PEX13: variants seen among roughly 807,000 people sequenced by gnomAD.
PEX13 encodes the protein peroxisome biogenesis factor 13.
In PEX13, 28 loss-of-function variants were observed where a neutral mutation model predicts 34.5. That is an observed-to-expected ratio of 0.81 (90% CI 0.60 to 1.11). The LOEUF (loss-of-function observed/expected upper bound fraction) is 1.11. PEX13 is among the 50% of genes most tolerant of loss of function. The probability of loss-of-function intolerance (pLI) is 0.00; values close to 1 mark genes in which losing one functional copy is unlikely to be tolerated. For synonymous variants in PEX13, 177 were observed against 175.1 expected, an observed-to-expected ratio of 1.01 and a Z score of -0.09; for missense variants, 550 against 491.0, an observed-to-expected ratio of 1.12 and a Z score of -1.13.
Position 61,032,087 on chromosome 2 carries a change from T to TTTA in PEX13, c.761_762insTTA (p.Leu254delinsPheTer), listed in dbSNP as rs1680461810. 1 of 1,613,428 alleles carries TTTA rather than the reference T, an allele frequency of 6.2e-7. No individual in the cohort carries two copies. Among genetic ancestry groups the TTTA allele is most frequent in the South Asian group, 1.1e-5 (1 of 91,040 alleles). ...GGTCCTTACCTCATTTGGAAACTAT[T>TTTA]GTCTACTCACAGTGATGAAGTAACA... On this transcript the variant is annotated stop_gained and protein_altering_variant, in exon 2 of 4. Transcript: ENST00000295030. LOFTEE classifies it high-confidence loss of function.
intron 2 of PEX13, among the ~76,000 whole-genome samples, chr2:61,036,676 A>G (rs1354319784): frequency 2.0e-5 from 3 of 152,358 alleles, no homozygotes; most frequent in Non-Finnish European, 4.4e-5. Context: ...AAAACATGCC[A>G]AATTGTAAAG....
At chr2:61,018,166 G>A in intron 1 of PEX13, 1 of 1,550,736 alleles carries the variant, frequency 6.4e-7, no homozygotes, top group Non-Finnish European at 8.7e-7. Context: ...TGACAGAATG[G>A]CTTCTCTATC....
At chr2:61,036,203 A>G (rs1288542170) in intron 2 of PEX13, among the ~76,000 whole-genome samples, 1 of 152,052 alleles carries the variant, frequency 6.6e-6, no homozygotes, top group Admixed American at 6.6e-5. Flanking sequence ...GTTAGAAAAC[A>G]CTCCTCAGGA....
At chr2:61,018,130 C>T in intron 1 of PEX13, 2 of 1,549,150 alleles carry the variant, frequency 1.3e-6, no homozygotes, top group Non-Finnish European at 1.7e-6. Flanking sequence ...GGGGCGGCTT[C>T]CTACCTACCG....
At chr2:61,018,213 C>T in intron 1 of PEX13, 3 of 1,550,936 alleles carry the variant, frequency 1.9e-6, no homozygotes, top group East Asian at 2.4e-5. Context: ...CAGTTGAGAG[C>T]GGCATTTGTC....
At chr2:61,032,150 AT>A in intron 2 of PEX13, 37 bp downstream of exon 2, 1 of 1,327,664 alleles carries the variant, frequency 7.5e-7, no homozygotes, top group Non-Finnish European at 1.1e-6. Context: ...CAGATACCAT[AT>A]AACAATCTCA....
chr2:61,051,301 A>G lies in PEX13; in HGVS notation c.*2531A>G, dbSNP rs1680795117. The G allele has an allele frequency of 6.6e-6, 1 of 152,326 alleles. No homozygotes were observed. Among genetic ancestry groups the G allele is most frequent in the Non-Finnish European group, 1.5e-5 (1 of 68,022 alleles). 9.4% of individuals were successfully genotyped at this position (152,326 alleles called of 1,614,324 possible). A position where few individuals can be genotyped will look rare whatever the true frequency, so the allele number is the denominator to read the frequency against. ...GTTCTCAAAACAAATGTTTGATAAAACAGATTATTAAATTTGGGGTTGAGA... is the reference window on the plus strand; with the variant it reads ...GTTCTCAAAACAAATGTTTGATAAAGCAGATTATTAAATTTGGGGTTGAGA... On this transcript the variant is annotated 3_prime_UTR_variant, in exon 4 of 4. Coordinates refer to ENST00000295030, the MANE Select transcript of PEX13 (RefSeq NM_002618.4).
At chr2:61,021,423 C>A (rs1469804231) in intron 1 of PEX13, among the ~76,000 whole-genome samples, 1 of 152,186 alleles carries the variant, frequency 6.6e-6, no homozygotes, top group Admixed American at 6.5e-5. Context: ...AGTGCTAGCA[C>A]AGCAGTCTGA....
chr2:61,030,510 G>C (rs1680433001), intron 1 of PEX13, among the ~76,000 whole-genome samples: 2 of 152,178 alleles, frequency 1.3e-5, no homozygotes, highest in Non-Finnish European at 2.9e-5. Flanking sequence ...TAGTGCTGAA[G>C]TGATCTCTAG....
rs201619544 is a variant in PEX13, at chr2:61,049,197, A to AT, written c.*442dup. 6.9e-3 allele frequency: 1,041 copies of AT among 151,510 alleles called. 5 individuals carry two copies. Among genetic ancestry groups the AT allele is most frequent in the East Asian group, 0.027 (145 of 5,322 alleles). The allele number at this position is 151,510 out of a possible 1,614,324, so 9.4% of individuals were successfully genotyped here. A position where few individuals can be genotyped will look rare whatever the true frequency, so the allele number is the denominator to read the frequency against. On this transcript the variant is annotated 3_prime_UTR_variant, in exon 4 of 4. Transcript: ENST00000295030. ...CAGTATGAGAACAGGCAAAAGGTAA[A>AT]TTTTTTTTTTTTTTTACAACCTTAA...
chr2:61,027,446 T>TA (rs1680378317), intron 1 of PEX13, among the ~76,000 whole-genome samples: 2 of 152,298 alleles, frequency 1.3e-5, no homozygotes, highest in South Asian at 4.1e-4. Flanking sequence ...CTGGAGGCCT[T>TA]ATCACAGTCC....
chr2:61,040,903 G>C (rs1559042197), intron 2 of PEX13, among the ~76,000 whole-genome samples: 1 of 150,624 alleles, frequency 6.6e-6, no homozygotes, highest in East Asian at 1.9e-4. Flanking sequence ...TTTTTACTAA[G>C]AATGGTTTTT....
chr2:61,041,498 C>T (rs2104809997), intron 2 of PEX13, among the ~76,000 whole-genome samples: 1 of 152,158 alleles, frequency 6.6e-6, no homozygotes, highest in South Asian at 2.1e-4. Flanking sequence ...TAAGGTTCTA[C>T]AATAAGATCA....
At chr2:61,035,915 G>A (rs900822157) in intron 2 of PEX13, among the ~76,000 whole-genome samples, 9 of 151,628 alleles carry the variant, frequency 5.9e-5, no homozygotes, top group Admixed American at 2.0e-4. Context: ...CCCAGGAGGC[G>A]GAGGTTGCAG....
intron 1 of PEX13, 161 bp downstream of exon 1, chr2:61,018,012 G>T: frequency 2.2e-6 from 3 of 1,363,256 alleles, no homozygotes; most frequent in Non-Finnish European, 3.0e-6. Flanking sequence ...GCTTACCAGT[G>T]GGGACTTTAG....
At chr2:61,034,688 C>T (rs180772550) in intron 2 of PEX13, among the ~76,000 whole-genome samples, 55 of 152,344 alleles carry the variant, frequency 3.6e-4, no homozygotes, top group African/African-American at 1.1e-3. Flanking sequence ...CCCATGCCCA[C>T]GGAGCCTTGC....
Position 61,048,995 on chromosome 2 carries a change from G to A in PEX13, c.*225G>A, listed in dbSNP as rs1680754573. ...ACCATAAGGACATTTGTTTCACCTA[G>A]ATTTTAAGATTATGGAGACTGCTGT... On this transcript the variant is annotated 3_prime_UTR_variant, in exon 4 of 4. Coordinates refer to ENST00000295030, the MANE Select transcript of PEX13 (RefSeq NM_002618.4). 1.9e-6 allele frequency: 1 copy of A among 533,302 alleles called. No homozygotes were observed. Among genetic ancestry groups the A allele is most frequent in the South Asian group, 2.2e-5 (1 of 46,240 alleles). 33.0% of individuals were successfully genotyped at this position (533,302 alleles called of 1,614,324 possible).
chr2:61,034,084 C>A (rs1318194782), intron 2 of PEX13, among the ~76,000 whole-genome samples: 1 of 152,138 alleles, frequency 6.6e-6, no homozygotes, highest in Admixed American at 6.5e-5. Flanking sequence ...GCAACCTCCA[C>A]CTCCTGGGTT....
intron 3 of PEX13, among the ~76,000 whole-genome samples, chr2:61,047,712 A>C (rs1244907097): frequency 1.3e-5 from 2 of 152,352 alleles, no homozygotes; most frequent in African/African-American, 2.4e-5. Flanking sequence ...CTTTGGAACA[A>C]AATCGGTCGT....
Sources: gnomAD v4.1 joint callset for allele counts (sites outside exome capture counted in the v4.1 genomes callset) on GRCh38, gnomAD v4.1.1 for gene constraint, MANE v1.5 for transcripts, NCBI Gene and HGNC (gene_info 2026-07-23, HGNC 2026-07-21) for gene names.